Variants in B4GALT4 observed in about 807,000 individuals in gnomAD.
The protein encoded by B4GALT4 is beta-1,4-galactosyltransferase 4.
B4GALT4 carries 27 observed loss-of-function variants against 37.3 expected under a neutral mutation model. The ratio of observed to expected loss-of-function variants is 0.72; its 90% CI spans 0.53 to 1.00. The LOEUF (loss-of-function observed/expected upper bound fraction) is 1.00, where lower values mean the gene tolerates loss of function less well. Ranked by LOEUF, B4GALT4 falls within the 50% of genes least tolerant of loss-of-function variation. The pLI is 0.00. For missense variants in B4GALT4, 372 were observed against 413.1 expected (o/e 0.90, Z 0.86); for synonymous variants, 148 against 154.1 (o/e 0.96, Z 0.29).
At chr3:119,219,077 G>T (rs369128649) in intron 5 of B4GALT4, among the ~76,000 whole-genome samples, 3 of 152,312 alleles carry the variant, frequency 2.0e-5, no homozygotes, top group African/African-American at 7.2e-5. Flanking sequence ...ATATTGATAA[G>T]ATTTCATCTC....
intron 7 of B4GALT4, 111 bp downstream of exon 7, chr3:119,216,129 A>C: frequency 1.2e-6 from 1 of 863,316 alleles, no homozygotes; most frequent in Non-Finnish European, 1.6e-6. Flanking sequence ...TTGCTTAATA[A>C]AAATCTTTTA....
rs763877431 is a variant in B4GALT4, at chr3:119,224,156, G to A, written c.576C>T (p.Phe192=). Residue 192 remains phenylalanine (F), a synonymous_variant, in exon 5 of 8, where the codon TTC becomes TTT. Transcript: ENST00000393765. ...TCTCGGGTACCAGGTCCACATCGTG[G>A]AATATAAAGCAGTCCCAATTTTCTT... is the stretch of plus-strand genomic sequence containing the variant. ...LKEENWDCFI[F]HDVDLVPEND... is the part of the protein sequence containing the mutation. 1 of 1,614,026 alleles carries A rather than the reference G, an allele frequency of 6.2e-7. No homozygotes were observed. Among genetic ancestry groups the A allele is most frequent in the South Asian group, 1.1e-5 (1 of 91,042 alleles).
chr3:119,231,812 A>T (rs1019782847), intron 2 of B4GALT4, among the ~76,000 whole-genome samples: 6 of 146,132 alleles, frequency 4.1e-5, no homozygotes, highest in South Asian at 2.1e-4. Flanking sequence ...AAAATAATAT[A>T]TTTTATATTT....
In B4GALT4 at chr3:119,226,949, G is replaced by A. The variant is rs3764779; in HGVS notation, c.346C>T (p.Gln116Ter). ...ACCCTCTGTAAAGCTTTACATTCCT[G>A]AGGGCGATACCGGCCTCTGGACACT... is the stretch of plus-strand genomic sequence containing the variant. ...PKVSRGRYRP[Q>*]ECKALQRVAI... The change falls in exon 4 of 8, where the codon CAG becomes TAG. Residue 116 changes from glutamine (Q) to a stop codon, truncating the protein, a stop_gained. Coordinates refer to ENST00000393765, the MANE Select transcript of B4GALT4 (RefSeq NM_003778.4). LOFTEE classifies it high-confidence loss of function. 6.2e-7 allele frequency: 1 copy of A among 1,613,920 alleles called. No individual in the cohort carries two copies.
chr3:119,224,009 C>T (rs1490124501), intron 5 of B4GALT4, 49 bp downstream of exon 5: 1 of 1,541,160 alleles, frequency 6.5e-7, no homozygotes, highest in Non-Finnish European at 8.7e-7. Flanking sequence ...GTCTTGATCA[C>T]AATAGTTGAG....
At chr3:119,234,671 G>A (rs1471280098) in intron 2 of B4GALT4, among the ~76,000 whole-genome samples, 4 of 152,110 alleles carry the variant, frequency 2.6e-5, no homozygotes, top group Non-Finnish European at 5.9e-5. Flanking sequence ...CCATCATATT[G>A]GATTTATTTA....
Position 119,212,315 on chromosome 3 carries a change from T to A in B4GALT4, c.*234A>T. The A allele has an allele frequency of 1.5e-6, 1 of 677,236 alleles. No individual in the cohort carries two copies. The highest frequency in any genetic ancestry group is 2.2e-5 in the Admixed American group (1 of 45,562). The allele number at this position is 677,236 out of a possible 1,614,324, so 42.0% of individuals were successfully genotyped here. Reference sequence around the variant, plus strand: ...CCTTTTATATAAAGTCCTTCAAGTATCCATATTACAATATTTAACCCTCAT... The same window carrying A: ...CCTTTTATATAAAGTCCTTCAAGTAACCATATTACAATATTTAACCCTCAT... On this transcript the variant is annotated 3_prime_UTR_variant, in exon 8 of 8. Coordinates refer to ENST00000393765, the MANE Select transcript of B4GALT4 (RefSeq NM_003778.4).
chr3:119,212,760 G>T, intron 7 of B4GALT4, 79 bp from the exon 8 acceptor site: 1 of 1,329,366 alleles, frequency 7.5e-7, no homozygotes, highest in Non-Finnish European at 1.0e-6. Context: ...CCTGAAATGT[G>T]GCAAACATAT....
chr3:119,225,889 T>G (rs975044136), intron 4 of B4GALT4, among the ~76,000 whole-genome samples: 6 of 150,462 alleles, frequency 4.0e-5, no homozygotes, highest in Non-Finnish European at 8.9e-5. Flanking sequence ...AATACAGACA[T>G]AGGTGTGCTA....
At chr3:119,221,755 G>A (rs1028010649) in intron 5 of B4GALT4, among the ~76,000 whole-genome samples, 3 of 152,176 alleles carry the variant, frequency 2.0e-5, no homozygotes, top group Non-Finnish European at 2.9e-5. Context: ...TTCTAAAAGA[G>A]GGCCATGGAT....
chr3:119,232,247 A>T (rs921651260), intron 2 of B4GALT4, among the ~76,000 whole-genome samples: 4 of 152,240 alleles, frequency 2.6e-5, no homozygotes, highest in Admixed American at 1.3e-4. Flanking sequence ...TGAAAGCAGT[A>T]ATAACAAATA....
rs540321878 is a variant in B4GALT4, at chr3:119,219,533, C to A, written c.675-761G>T. ...AGGGTCCAAGCTCACAAGAGAGGAA[C>A]GACTACAGATATGGCTTTGGAAATA... On this transcript the variant is annotated intron_variant, in intron 5 of 7. Coordinates refer to ENST00000393765, the MANE Select transcript of B4GALT4 (RefSeq NM_003778.4). Among the ~76,000 whole-genome samples, 22 of 152,340 alleles carry A rather than the reference C, an allele frequency of 1.4e-4. 1 individual carries two copies. The highest frequency in any genetic ancestry group is 5.3e-4 in the African/African-American group (22 of 41,568).
chr3:119,219,470 A>T (rs577768583), intron 5 of B4GALT4, among the ~76,000 whole-genome samples: 38 of 152,402 alleles, frequency 2.5e-4, no homozygotes, highest in Admixed American at 4.6e-4. Flanking sequence ...GCTGAATTTT[A>T]GATACACCTG....
intron 6 of B4GALT4, 123 bp from the exon 7 acceptor site, chr3:119,216,467 CACACAG>C (rs2078297318): frequency 2.8e-6 from 1 of 355,956 alleles, no homozygotes; most frequent in Admixed American, 5.0e-5. Flanking sequence ...CACACACACA[CACACAG>C]TGTCACAAAC....
At chr3:119,232,575 T>TA (rs1268237726) in intron 2 of B4GALT4, 1 of 152,264 alleles carries the variant, frequency 6.6e-6, no homozygotes, top group Non-Finnish European at 1.5e-5. Flanking sequence ...GGGGGCCTTC[T>TA]ACCTCTCTCC....
intron 6 of B4GALT4, 127 bp from the exon 7 acceptor site, chr3:119,216,471 CAG>C: frequency 2.2e-6 from 1 of 462,378 alleles, no homozygotes; most frequent in Admixed American, 4.2e-5. Flanking sequence ...CACACACACA[CAG>C]TGTCACAAAC....
rs781706011 is a variant in B4GALT4 at position 119,212,388 on chromosome 3, T to C, written c.*161A>G. The C allele has an allele frequency of 1.5e-6, 1 of 676,300 alleles. No homozygotes were observed. Among genetic ancestry groups the C allele is most frequent in the Non-Finnish European group, 2.5e-6 (1 of 402,190 alleles). The allele number at this position is 676,300 out of a possible 1,614,324, so 41.9% of individuals were successfully genotyped here. ...GTCTTGTTACAACTGTTTTATACTCTACATCACCAGGAGCTCTGCTAAGAA... is the reference window on the plus strand; with the variant it reads ...GTCTTGTTACAACTGTTTTATACTCCACATCACCAGGAGCTCTGCTAAGAA... On this transcript the variant is annotated 3_prime_UTR_variant, in exon 8 of 8. Coordinates refer to ENST00000393765, the MANE Select transcript of B4GALT4 (RefSeq NM_003778.4).
chr3:119,224,336 TC>T, intron 4 of B4GALT4, 91 bp from the exon 5 acceptor site: 3 of 910,558 alleles, frequency 3.3e-6, no homozygotes, highest in South Asian at 2.2e-5. Flanking sequence ...ATGGTATTAT[TC>T]TAATTATTCT....
At chr3:119,224,297 T>C (rs144234938) in intron 4 of B4GALT4, 52 bp from the exon 5 acceptor site, 3 of 1,438,396 alleles carry the variant, frequency 2.1e-6, no homozygotes, top group South Asian at 1.4e-5. Context: ...AAGTTTCATA[T>C]TGTTTGCCTC....
Sources: allele counts gnomAD v4.1 joint callset (sites outside exome capture counted in the v4.1 genomes callset), GRCh38; gene constraint gnomAD v4.1.1; transcripts MANE v1.5; gene names NCBI Gene and HGNC (gene_info 2026-07-23, HGNC 2026-07-21).